BLTP1: variants seen among roughly 807,000 people sequenced by gnomAD.
BLTP1 encodes fragile site-associated protein.
chr4:122,231,383 A>G, the BLTP1 span, among the ~76,000 whole-genome samples: 1 of 152,006 alleles, frequency 6.6e-6, no homozygotes, highest in Non-Finnish European at 1.5e-5. Context: ...TAACACTTTA[A>G]AAACCACATT....
chr4:122,209,552 G>A, the BLTP1 span, among the ~76,000 whole-genome samples: 4 of 152,294 alleles, frequency 2.6e-5, no homozygotes, highest in African/African-American at 7.2e-5. Context: ...GGCTAAGGTA[G>A]GGGAATGGCT....
chr4:122,317,893 A>G, the BLTP1 span, among the ~76,000 whole-genome samples: 200 of 152,236 alleles, frequency 1.3e-3, 1 homozygote, highest in Non-Finnish European at 2.1e-3. Context: ...GAGTGGGTCT[A>G]TGGTTTTCAT....
chr4:122,349,167 T>C, the BLTP1 span: 1 of 1,607,988 alleles, frequency 6.2e-7, no homozygotes, highest in Non-Finnish European at 8.5e-7. This position sits in a 1 kb window ranked among gnomAD's most constrained non-coding sequence, Gnocchi z 4.5. Context: ...GTTGGACAAC[T>C]AGTGGTTTGA....
chr4:122,154,161 A>ATTTT, the BLTP1 span: 1 of 292,900 alleles, frequency 3.4e-6, no homozygotes, highest in African/African-American at 6.7e-5. Context: ...TCGGTTAAAG[A>ATTTT]CTTTTTTTTT....
At chr4:122,293,230 A>T in the BLTP1 span, 1 of 951,158 alleles carries the variant, frequency 1.1e-6, no homozygotes. Flanking sequence ...AACTTGATTG[A>T]CACAAAAGTA....
the BLTP1 span, chr4:122,196,656 C>T: frequency 3.1e-6 from 5 of 1,607,862 alleles, no homozygotes; most frequent in Non-Finnish European, 4.3e-6. Flanking sequence ...GGAAGTTTTT[C>T]TTTCCACCTG....
chr4:122,251,958 TTTTAGACATCATCATTTAGTA>T, the BLTP1 span, among the ~76,000 whole-genome samples: 2 of 152,166 alleles, frequency 1.3e-5, no homozygotes, highest in Non-Finnish European at 2.9e-5. Context: ...TTTAGTGGCC[TTTTAGACATCATCATTTAGTA>T]TTTAACAGAG....
the BLTP1 span, chr4:122,230,101 G>A: frequency 6.2e-7 from 1 of 1,614,152 alleles, no homozygotes; most frequent in South Asian, 1.1e-5. Flanking sequence ...TTGAAGCTGG[G>A]TCAGCCAATT....
chr4:122,341,166 C>G, the BLTP1 span, among the ~76,000 whole-genome samples: 2 of 151,952 alleles, frequency 1.3e-5, no homozygotes, highest in Admixed American at 1.3e-4. Context: ...AAGATATATT[C>G]TTAGGAGAAA....
chr4:122,248,580 A>G, the BLTP1 span, among the ~76,000 whole-genome samples: 4 of 152,050 alleles, frequency 2.6e-5, no homozygotes, highest in African/African-American at 9.7e-5. Context: ...ACATCTGAAT[A>G]TGTATGGGAT....
the BLTP1 span, among the ~76,000 whole-genome samples, chr4:122,259,222 A>T: frequency 1.3e-5 from 2 of 152,212 alleles, no homozygotes; most frequent in Non-Finnish European, 1.5e-5. Flanking sequence ...TTTTGGTTTT[A>T]TGAATTTAAT....
chr4:122,258,914 T>A, the BLTP1 span: 2 of 900,798 alleles, frequency 2.2e-6, no homozygotes, highest in Non-Finnish European at 3.4e-6. Context: ...ATCTCAAATT[T>A]AAATGTTAGG....
chr4:122,219,925 A>G, the BLTP1 span, among the ~76,000 whole-genome samples: 1 of 152,138 alleles, frequency 6.6e-6, no homozygotes, highest in Non-Finnish European at 1.5e-5. Context: ...TTGGGGCCTT[A>G]TGGTGGACCT....
At chr4:122,295,637 CAAAA>C in the BLTP1 span, among the ~76,000 whole-genome samples, 1 of 151,954 alleles carries the variant, frequency 6.6e-6, no homozygotes, top group South Asian at 2.1e-4. Flanking sequence ...ATAGATACGA[CAAAA>C]AAAGAAAACT....
chr4:122,306,579 C>T, the BLTP1 span: 1 of 983,958 alleles, frequency 1.0e-6, no homozygotes, highest in Non-Finnish European at 1.2e-6. Flanking sequence ...TAGGAGTTCA[C>T]CAGGGAGATA....
chr4:122,234,655 T>A, the BLTP1 span: 17 of 1,156,052 alleles, frequency 1.5e-5, no homozygotes, highest in Admixed American at 4.3e-4. Flanking sequence ...TTGTGTTTAC[T>A]TTGTCATTTA....
the BLTP1 span, chr4:122,328,186 G>C: frequency 1.4e-4 from 232 of 1,611,058 alleles, no homozygotes; most frequent in Admixed American, 4.4e-4. Flanking sequence ...GAAGGATCAT[G>C]TTCTGTGTTC....
chr4:122,325,236 A>C, the BLTP1 span: 9 of 1,602,010 alleles, frequency 5.6e-6, no homozygotes, highest in African/African-American at 1.1e-4. Context: ...GCAGTTCTCG[A>C]GTAGGAGAAA....
the BLTP1 span, chr4:122,188,224 C>G: frequency 4.7e-6 from 5 of 1,062,824 alleles, no homozygotes; most frequent in African/African-American, 6.6e-5. Flanking sequence ...AAGCAGTTAA[C>G]AATGTAGTCC....
Sources: gnomAD v4.1 joint callset for allele counts (sites outside exome capture counted in the v4.1 genomes callset) on GRCh38, gnomAD v4.1.1 for gene constraint, Gnocchi (gnomAD v3.1) non-coding constraint, MANE v1.5 for transcripts, NCBI Gene and HGNC (gene_info 2026-07-23, HGNC 2026-07-21) for gene names.